The following GNAS variants were observed in gnomAD, a reference collection of about 807,000 sequenced individuals.
GNAS encodes GNAS complex locus.
Under a neutral mutation model 54.5 loss-of-function variants are expected in GNAS, and 8 were observed. The observed-to-expected ratio is 0.15, with a 90% CI of 0.09 to 0.26. GNAS has a LOEUF of 0.26. GNAS is among the 10% of genes least tolerant of loss of function. The probability of loss-of-function intolerance (pLI) is 1.00; values close to 1 mark genes in which losing one functional copy is unlikely to be tolerated. For missense variants in GNAS, 170 were observed against 529.8 expected (o/e 0.32, Z 6.67); for synonymous variants, 204 against 191.4 (o/e 1.07, Z -0.54).
intron 1 of GNAS, among the ~76,000 whole-genome samples, chr20:58,879,986 C>T (rs1423880651): frequency 6.6e-6 from 1 of 152,038 alleles, no homozygotes; most frequent in African/African-American, 2.4e-5. Context: ...AAAAGCTGAC[C>T]CTCCCCAACC....
At chr20:58,875,545 C>G (rs1181927090) in intron 1 of GNAS, among the ~76,000 whole-genome samples, 1 of 152,222 alleles carries the variant, frequency 6.6e-6, no homozygotes, top group Non-Finnish European at 1.5e-5. Context: ...GTTTTCCCAA[C>G]CCAAGTCTAT....
At chr20:58,852,390 CCT>C (rs1327420417) in intron 1 of GNAS, among the ~76,000 whole-genome samples, 5 of 152,200 alleles carry the variant, frequency 3.3e-5, no homozygotes, top group Non-Finnish European at 5.9e-5. Flanking sequence ...CTCTCCCTCG[CCT>C]CTCTCTGCTT....
upstream of GNAS, chr20:58,891,203 C>CG (rs1207052339): frequency 1.3e-5 from 2 of 149,280 alleles, no homozygotes; most frequent in African/African-American, 2.5e-5. Context: ...CCCGGGCTCC[C>CG]GGGGGGCCGC....
At chr20:58,850,999 C>T (rs1326515398) in intron 1 of GNAS, 2 of 398,250 alleles carry the variant, frequency 5.0e-6, no homozygotes, top group Non-Finnish European at 4.4e-6. Context: ...ATGGCTGACC[C>T]GGCGCTGGGG....
chr20:58,886,796 C>T (rs1164883502), upstream of GNAS, among the ~76,000 whole-genome samples: 1 of 152,224 alleles, frequency 6.6e-6, no homozygotes, highest in East Asian at 1.9e-4. Context: ...TGTTTCAGCA[C>T]TCTGGGTGTC....
rs886846274 is a variant in GNAS at position 58,853,938 on chromosome 20, C to T, written c.43+13052C>T. 3 of 1,611,540 alleles carry T rather than the reference C, an allele frequency of 1.9e-6. No individual in the cohort carries two copies. Among genetic ancestry groups the T allele is most frequent in the Non-Finnish European group, 1.7e-6 (2 of 1,179,326 alleles). On this transcript the variant is annotated intron_variant, in intron 1 of 12. Coordinates refer to the GNAS transcript ENST00000306090. The surrounding 1 kb of genome is among the most constrained non-coding windows in gnomAD (Gnocchi z 4.4). ...CAGCCCTCCCCCTGAGGAGACTATGCCATTTGAGCTTGATGGAGAAGGATT... is the reference window on the plus strand; with the variant it reads ...CAGCCCTCCCCCTGAGGAGACTATGTCATTTGAGCTTGATGGAGAAGGATT...
At chr20:58,899,811 A>G (rs2090447504) in intron 3 of GNAS, 2 of 650,924 alleles carry the variant, frequency 3.1e-6, no homozygotes, top group Non-Finnish European at 5.6e-6. Flanking sequence ...GCTATTTCTC[A>G]TGAGACCATC....
At chr20:58,840,124 G>A (rs2085661287), upstream of GNAS, 2 of 1,611,440 alleles carry the variant, frequency 1.2e-6, no homozygotes, top group Admixed American at 1.7e-5. The surrounding 1 kb of genome is among the most constrained non-coding windows in gnomAD (Gnocchi z 6.0). Context: ...GGAGGTCCCG[G>A]GCTCAGCAGT....
chr20:58,877,546 G>A (rs2087907655), intron 1 of GNAS, among the ~76,000 whole-genome samples: 1 of 152,196 alleles, frequency 6.6e-6, no homozygotes, highest in Non-Finnish European at 1.5e-5. Context: ...TTAAAGTCAG[G>A]TGCTAAGTCA....
chr20:58,910,123 G>T lies in GNAS; in HGVS notation c.970+42G>T. ...CTCTTGCTGGCTGTTCATTGCGGTG[G>T]TTCTTTTTCAAACGGTCAGGCTGAA... On this transcript the variant is annotated intron_variant, in intron 11 of 12. Transcript: ENST00000371085. The surrounding 1 kb of genome is among the most constrained non-coding windows in gnomAD (Gnocchi z 5.8). 1 of 1,605,922 alleles carries T rather than the reference G, an allele frequency of 6.2e-7. No individual in the cohort carries two copies. Among genetic ancestry groups the T allele is most frequent in the African/African-American group, 1.3e-5 (1 of 74,796 alleles).
chr20:58,839,938 A>C (rs1180250946), upstream of GNAS: 4 of 663,638 alleles, frequency 6.0e-6, no homozygotes, highest in African/African-American at 7.2e-5. Flanking sequence ...AGTGGTCAGG[A>C]AGGTAGGTGC....
rs370498558 is a variant in GNAS at position 58,853,752 on chromosome 20, C to T, written c.43+12866C>T. 2 of 1,613,628 alleles carry T rather than the reference C, an allele frequency of 1.2e-6. No individual in the cohort carries two copies. Among genetic ancestry groups the T allele is most frequent in the African/African-American group, 1.3e-5 (1 of 74,948 alleles). The stretch of plus-strand genomic sequence containing the variant: ...CAGCCCTCCACCAGAAGAAGCTATG[C>T]CCTTTGAGTTTGACCAGCCTGCCCA... On this transcript the variant is annotated intron_variant, in intron 1 of 12. Transcript: ENST00000306090. This position sits in a 1 kb window ranked among gnomAD's most constrained non-coding sequence, Gnocchi z 4.4.
chr20:58,909,987 C>T lies in GNAS; in HGVS notation c.876C>T (p.Asn292=), dbSNP rs774720214. ...CCATCTCTGTGATCCTGTTCCTCAA[C>T]AAGCAAGATCTGCTCGCTGAGAAAG... ...LRTISVILFL[N]KQDLLAEKVL... Residue 292 remains asparagine, a synonymous_variant, in exon 11 of 13, where the codon AAC becomes AAT. Coordinates refer to ENST00000371085, the MANE Select transcript of GNAS (RefSeq NM_000516.7). The surrounding 1 kb of genome is among the most constrained non-coding windows in gnomAD (Gnocchi z 7.3). 2 of 1,613,778 alleles carry T rather than the reference C, an allele frequency of 1.2e-6. No homozygotes were observed. Among genetic ancestry groups the T allele is most frequent in the South Asian group, 2.2e-5 (2 of 91,078 alleles).
At chr20:58,908,962 C>A in intron 6 of GNAS, 200 bp from the exon 7 acceptor site, 1 of 725,630 alleles carries the variant, frequency 1.4e-6, no homozygotes, top group Non-Finnish European at 2.5e-6. Context: ...TATCTTAAAT[C>A]CTGTTTGCCC....
intron 1 of GNAS, among the ~76,000 whole-genome samples, chr20:58,861,122 C>T (rs1416543120): frequency 6.6e-6 from 1 of 152,316 alleles, no homozygotes; most frequent in African/African-American, 2.4e-5. Context: ...TCTTCAAATG[C>T]CTCTAAATAA....
rs540715421 is a variant in GNAS at position 58,879,767 on chromosome 20, A to G, written c.44-15845A>G. On this transcript the variant is annotated intron_variant, in intron 1 of 12. Transcript: ENST00000306090. ...CAGACGTGGAGAGAGAACCGTGTGG[A>G]AAGATATCTTTATGGCTAGACTCTC... Among the ~76,000 whole-genome samples the G allele has an allele frequency of 7.2e-5, 11 of 152,262 alleles. No individual in the cohort carries two copies. In the South Asian group the frequency reaches 2.3e-3, roughly 32 times the overall value.
upstream of GNAS, chr20:58,840,366 A>G (rs1308990262): frequency 1.9e-6 from 3 of 1,613,278 alleles, no homozygotes; most frequent in Admixed American, 5.0e-5. The surrounding 1 kb of genome is among the most constrained non-coding windows in gnomAD (Gnocchi z 6.0). Flanking sequence ...TCTGACCACG[A>G]GCACGAGGAG....
At chr20:58,901,303 C>T (rs935482064) in intron 3 of GNAS, among the ~76,000 whole-genome samples, 14 of 152,062 alleles carry the variant, frequency 9.2e-5, no homozygotes, top group Non-Finnish European at 1.8e-4. Context: ...ATACCAAGGC[C>T]GGGGATTCTT....
At chr20:58,899,665 GCA>G (rs35714680) in intron 3 of GNAS, among the ~76,000 whole-genome samples, 46,726 of 150,004 alleles carry the variant, frequency 0.31, 8,975 homozygotes, top group East Asian at 0.63. Flanking sequence ...ACACACACAC[GCA>G]CACACATGCA....
Sources: gnomAD v4.1 joint callset for allele counts (sites outside exome capture counted in the v4.1 genomes callset) on GRCh38, gnomAD v4.1.1 for gene constraint, Gnocchi (gnomAD v3.1) non-coding constraint, MANE v1.5 for transcripts, NCBI Gene and HGNC (gene_info 2026-07-23, HGNC 2026-07-21) for gene names.